Variants in MYRIP observed in about 807,000 individuals in gnomAD.
The protein encoded by MYRIP is myosin VIIA and Rab interacting protein.
Under a neutral mutation model 98.0 loss-of-function variants are expected in MYRIP, and 49 were observed. The observed-to-expected ratio is 0.50, with a 90% confidence interval of 0.40 to 0.63. The LOEUF is 0.63. Among genes scored for constraint, MYRIP ranks in the 30% least tolerant of loss-of-function variants. The pLI is 0.00. For synonymous variants in MYRIP, 404 were observed against 409.5 expected, an observed-to-expected ratio of 0.99 and a Z score of 0.16; for missense variants, 1,004 against 1,058.2, an observed-to-expected ratio of 0.95 and a Z score of 0.71.
At chr3:39,995,544 C>T (rs1467887016) in intron 2 of MYRIP, among the ~76,000 whole-genome samples, 1 of 152,156 alleles carries the variant, frequency 6.6e-6, no homozygotes, top group Non-Finnish European at 1.5e-5. Context: ...TGTGAAAAGA[C>T]CAAATCTACG....
chr3:39,947,619 C>T (rs996295226), intron 2 of MYRIP, among the ~76,000 whole-genome samples: 1 of 152,004 alleles, frequency 6.6e-6, no homozygotes, highest in Non-Finnish European at 1.5e-5. Flanking sequence ...GAAATACAGA[C>T]TCACTGGGTG....
chr3:39,879,630 A>T (rs1400227099), intron 1 of MYRIP, among the ~76,000 whole-genome samples: 6 of 152,196 alleles, frequency 3.9e-5, no homozygotes. Flanking sequence ...GTGTGTACTC[A>T]TAAAATGTGG....
chr3:39,875,736 T>C (rs1216667293), intron 1 of MYRIP, among the ~76,000 whole-genome samples: 1 of 151,334 alleles, frequency 6.6e-6, no homozygotes, highest in African/African-American at 2.4e-5. Context: ...TCTTTTACAT[T>C]TGCTGAGGAG....
chr3:40,183,323 T>C (rs1220218274), intron 9 of MYRIP, among the ~76,000 whole-genome samples: 2 of 152,214 alleles, frequency 1.3e-5, no homozygotes, highest in African/African-American at 2.4e-5. Flanking sequence ...AAGGCATTGA[T>C]GTTTGCTTGC....
At chr3:40,106,371 G>A (rs532214265) in intron 3 of MYRIP, among the ~76,000 whole-genome samples, 1 of 152,224 alleles carries the variant, frequency 6.6e-6, no homozygotes, top group East Asian at 1.9e-4. Flanking sequence ...TAATATGCAA[G>A]TCGTTTGAAT....
intron 9 of MYRIP, among the ~76,000 whole-genome samples, chr3:40,185,193 T>C (rs1488886279): frequency 6.6e-6 from 1 of 152,206 alleles, no homozygotes; most frequent in Non-Finnish European, 1.5e-5. Context: ...AGGAGCCTGT[T>C]CGTGCACAGT....
intron 1 of MYRIP, among the ~76,000 whole-genome samples, chr3:39,895,056 A>G (rs976448578): frequency 1.3e-5 from 2 of 152,094 alleles, no homozygotes. Flanking sequence ...TAGATGGTAA[A>G]TTGCTTTTTC....
intron 2 of MYRIP, among the ~76,000 whole-genome samples, chr3:39,989,694 T>G (rs556515754): frequency 2.8e-4 from 43 of 152,338 alleles, no homozygotes; most frequent in African/African-American, 9.6e-4. Flanking sequence ...AGATCAGAGT[T>G]CTGTCCTTGA....
At chr3:39,907,233 A>G (rs1943900380) in intron 2 of MYRIP, among the ~76,000 whole-genome samples, 3 of 152,244 alleles carry the variant, frequency 2.0e-5, no homozygotes, top group Admixed American at 2.0e-4. Context: ...TCTACAGTGT[A>G]GCATATCATG....
chr3:40,258,033 G>C (rs755235703), intron 16 of MYRIP, 101 bp from the exon 17 acceptor site: 84 of 1,286,062 alleles, frequency 6.5e-5, no homozygotes, highest in Non-Finnish European at 9.0e-5. Context: ...CAAAAAGCAT[G>C]AATAGCTTTT....
At chr3:39,928,363 A>C (rs9879722) in intron 2 of MYRIP, among the ~76,000 whole-genome samples, 16,370 of 150,968 alleles carry the variant, frequency 0.11, 1,791 homozygotes, top group African/African-American at 0.27. Context: ...CAAAGACAGT[A>C]CAAAAAAAAA....
At chr3:39,913,415 C>A (rs561005397) in intron 2 of MYRIP, among the ~76,000 whole-genome samples, 1 of 152,268 alleles carries the variant, frequency 6.6e-6, no homozygotes, top group Non-Finnish European at 1.5e-5. Context: ...AAAGGAAGGT[C>A]TTTTCATCCA....
At chr3:39,875,586 A>G (rs1942964440) in intron 1 of MYRIP, among the ~76,000 whole-genome samples, 3 of 151,278 alleles carry the variant, frequency 2.0e-5, no homozygotes, top group Admixed American at 6.6e-5. Flanking sequence ...TTCTGCCTTC[A>G]TTTTGTTATG....
At chr3:40,088,698 C>G (rs1948679308) in intron 3 of MYRIP, among the ~76,000 whole-genome samples, 1 of 152,224 alleles carries the variant, frequency 6.6e-6, no homozygotes, top group Admixed American at 6.5e-5. Context: ...GAGCCCATCT[C>G]TGTGGCTGGA....
chr3:40,165,078 A>G (rs527294420), intron 5 of MYRIP, among the ~76,000 whole-genome samples: 2 of 152,326 alleles, frequency 1.3e-5, no homozygotes, highest in African/African-American at 4.8e-5. Flanking sequence ...ATCGGTGGCT[A>G]TCTTGAAGAA....
chr3:40,087,232 C>CA (rs1414372738), intron 3 of MYRIP, among the ~76,000 whole-genome samples: 1 of 152,068 alleles, frequency 6.6e-6, no homozygotes, highest in African/African-American at 2.4e-5. Flanking sequence ...GACAAAGCTC[C>CA]AAAACCACAC....
chr3:39,979,947 A>G (rs578230580), intron 2 of MYRIP, among the ~76,000 whole-genome samples: 3 of 152,240 alleles, frequency 2.0e-5, no homozygotes, highest in East Asian at 1.9e-4. Context: ...ACTAGTCCCT[A>G]TGGTTGATAC....
At position 40,031,226 on chromosome 3, in the gene MYRIP, G is replaced by A. The variant is rs889595623; in HGVS notation, c.111-12824G>A. Among the ~76,000 whole-genome samples, 10 of 152,048 alleles carry A rather than the reference G, an allele frequency of 6.6e-5. No homozygotes were observed. In the East Asian group the frequency reaches 7.7e-4, roughly 12 times the overall value. On this transcript the variant is annotated intron_variant, in intron 2 of 16. Transcript: ENST00000302541. The stretch of plus-strand genomic sequence containing the variant: ...TCCTCACATCGTGGAAGGGCAAGGC[G>A]GCCCTGGAGTCCCATATATAATGGT...
intron 7 of MYRIP, 39 bp from the exon 8 acceptor site, chr3:40,169,911 C>T (rs780598835): frequency 6.2e-7 from 1 of 1,613,618 alleles, no homozygotes; most frequent in South Asian, 1.1e-5. Context: ...CAGGAGGCCT[C>T]TCCAATAACT....
Sources: gnomAD v4.1 joint callset for allele counts (sites outside exome capture counted in the v4.1 genomes callset) on GRCh38, gnomAD v4.1.1 for gene constraint, MANE v1.5 for transcripts, NCBI Gene and HGNC (gene_info 2026-07-23, HGNC 2026-07-21) for gene names.